LRRC3B: variants seen among roughly 807,000 people sequenced by gnomAD.
LRRC3B encodes leucine-rich repeat-containing protein 3B.
A neutral mutation model predicts 12.8 loss-of-function variants in LRRC3B; 2 were observed. That is an observed-to-expected ratio of 0.16 (90% CI 0.06 to 0.49). The LOEUF (loss-of-function observed/expected upper bound fraction) is 0.49, where lower values mean the gene tolerates loss of function less well. LRRC3B is among the 20% of genes least tolerant of loss of function. The probability of loss-of-function intolerance (pLI) is 0.96; values close to 1 mark genes in which losing one functional copy is unlikely to be tolerated. For synonymous variants in LRRC3B, 132 were observed against 122.0 expected, an observed-to-expected ratio of 1.08 and a Z score of -0.54; for missense variants, 189 against 319.4, an observed-to-expected ratio of 0.59 and a Z score of 3.11.
chr3:26,630,706 C>T (rs186362410), intron 1 of LRRC3B, among the ~76,000 whole-genome samples: 12 of 151,934 alleles, frequency 7.9e-5, no homozygotes, highest in South Asian at 4.1e-4. Flanking sequence ...AACAAAGTTG[C>T]GACTTTTTTT....
rs995793919 is a variant in LRRC3B at position 26,667,829 on chromosome 3, G to A, written c.-160-41684G>A. ...TCTTGTCAAAGAAGAGGATGAGCCC[G>A]GGCATTGGGAGGCAAATACCAACCC... On this transcript the variant is annotated intron_variant, in intron 1 of 1. Coordinates refer to ENST00000396641, the Ensembl canonical transcript of LRRC3B. Among the ~76,000 whole-genome samples, 7 of 152,130 alleles carry A rather than the reference G, an allele frequency of 4.6e-5. No individual in the cohort carries two copies. The South Asian group carries it at 6.2e-4, about 14-fold the overall frequency.
intron 1 of LRRC3B, among the ~76,000 whole-genome samples, chr3:26,677,852 G>A (rs1699892603): frequency 6.6e-6 from 1 of 152,066 alleles, no homozygotes; most frequent in African/African-American, 2.4e-5. Flanking sequence ...CCAGGCTGGA[G>A]TGCTGTGGTG....
At chr3:26,691,134 T>TATATATATATATAC (rs71295085) in intron 1 of LRRC3B, among the ~76,000 whole-genome samples, 1 of 143,372 alleles carries the variant, frequency 7.0e-6, no homozygotes, top group Non-Finnish European at 1.5e-5. Flanking sequence ...TATATATATA[T>TATATATATATATAC]GAGACAGGAT....
chr3:26,685,499 C>CTG, intron 1 of LRRC3B, among the ~76,000 whole-genome samples: 1 of 44,140 alleles, frequency 2.3e-5, no homozygotes, highest in Non-Finnish European at 4.3e-5. Flanking sequence ...CTCTCTCTCT[C>CTG]TCTCTCTCTC....
In LRRC3B at chr3:26,703,939, C is replaced by A. The variant is rs138580292; in HGVS notation, c.-160-5574C>A. On this transcript the variant is annotated intron_variant, in intron 1 of 1. Transcript: ENST00000396641. ...GCTAATCTTAGTCCTTTTGCATTAT[C>A]TTTTAAATATTTATTGTAAAATAAA... is the stretch of plus-strand genomic sequence containing the variant. Among the ~76,000 whole-genome samples the A allele has an allele frequency of 1.6e-3, 241 of 151,878 alleles. 1 individual carries two copies. The highest frequency in any genetic ancestry group is 5.4e-3 in the African/African-American group (225 of 41,414).
At chr3:26,663,216 T>A (rs1310238222) in intron 1 of LRRC3B, among the ~76,000 whole-genome samples, 1 of 152,196 alleles carries the variant, frequency 6.6e-6, no homozygotes, top group African/African-American at 2.4e-5. Flanking sequence ...AATATTTTTG[T>A]GCCAGAGTTA....
intron 1 of LRRC3B, among the ~76,000 whole-genome samples, chr3:26,645,095 G>C (rs1699115292): frequency 6.6e-6 from 1 of 152,136 alleles, no homozygotes. Flanking sequence ...TCAATCCAGA[G>C]TGTTTATTTG....
chr3:26,643,044 A>AT (rs200444067), intron 1 of LRRC3B, among the ~76,000 whole-genome samples: 8,288 of 151,140 alleles, frequency 0.055, 587 homozygotes, highest in East Asian at 0.16. Context: ...TACCAGGAGC[A>AT]TTCAAGTGTG....
intron 1 of LRRC3B, among the ~76,000 whole-genome samples, chr3:26,632,210 A>T (rs1289514887): frequency 6.6e-6 from 1 of 152,266 alleles, no homozygotes; most frequent in Non-Finnish European, 1.5e-5. Context: ...TGCGGGCAAG[A>T]TGTTGGAAGA....
In LRRC3B at chr3:26,686,104, G is replaced by A. The variant is rs542627911; in HGVS notation, c.-160-23409G>A. The stretch of plus-strand genomic sequence containing the variant: ...TTCCTTTCTTTTTTTTTTCGAGATG[G>A]AGTCTCACTCTGTCACCCAGGCGGG... On this transcript the variant is annotated intron_variant, in intron 1 of 1. Coordinates refer to ENST00000396641, the Ensembl canonical transcript of LRRC3B. Among the ~76,000 whole-genome samples the A allele has an allele frequency of 3.3e-5, 5 of 151,728 alleles. No homozygotes were observed. The South Asian group carries it at 1.0e-3, about 32-fold the overall frequency.
At chr3:26,632,314 A>T (rs1698773811) in intron 1 of LRRC3B, among the ~76,000 whole-genome samples, 1 of 152,164 alleles carries the variant, frequency 6.6e-6, no homozygotes, top group Non-Finnish European at 1.5e-5. Context: ...AAAACCTTTA[A>T]ATCACTCCTG....
intron 1 of LRRC3B, among the ~76,000 whole-genome samples, chr3:26,639,727 G>A (rs1016017052): frequency 3.9e-5 from 6 of 152,136 alleles, no homozygotes; most frequent in Non-Finnish European, 1.5e-5. Context: ...CACTGGAAAT[G>A]TTAGAGTCCT....
chr3:26,624,855 G>T (rs893236732), intron 1 of LRRC3B: 1 of 152,266 alleles, frequency 6.6e-6, no homozygotes, highest in African/African-American at 2.4e-5. Context: ...AATCTGGAGT[G>T]CAAGACCGTT....
chr3:26,668,507 G>A (rs1030844936), intron 1 of LRRC3B, among the ~76,000 whole-genome samples: 1 of 152,144 alleles, frequency 6.6e-6, no homozygotes, highest in Admixed American at 6.5e-5. Flanking sequence ...GGTTTCCATA[G>A]TTTTCTACAT....
chr3:26,699,636 C>T (rs1700404484), intron 1 of LRRC3B, among the ~76,000 whole-genome samples: 1 of 152,140 alleles, frequency 6.6e-6, no homozygotes, highest in Non-Finnish European at 1.5e-5. Flanking sequence ...CAACTGAATT[C>T]ACCATAAGTA....
At chr3:26,709,935 A>T (rs1363135172) in exon 2 of LRRC3B, 1 of 1,614,130 alleles carries the variant, frequency 6.2e-7, no homozygotes, top group Admixed American at 1.7e-5. Flanking sequence ...AAGGACCTCC[A>T]TCAACTGAGA....
intron 1 of LRRC3B, among the ~76,000 whole-genome samples, chr3:26,645,523 T>A (rs1431894543): frequency 1.3e-5 from 2 of 152,286 alleles, no homozygotes; most frequent in Non-Finnish European, 2.9e-5. Flanking sequence ...GAATGGCCTC[T>A]GCTATTATAT....
chr3:26,671,766 G>A (rs902433555), intron 1 of LRRC3B, among the ~76,000 whole-genome samples: 3 of 152,116 alleles, frequency 2.0e-5, no homozygotes, highest in East Asian at 1.9e-4. Flanking sequence ...GGCTTAGTAT[G>A]TGAAGCATAC....
intron 1 of LRRC3B, 143 bp from the exon 2 acceptor site, chr3:26,709,370 T>G (rs1700689704): frequency 2.7e-6 from 1 of 369,002 alleles, no homozygotes; most frequent in Non-Finnish European, 4.9e-6. Context: ...ATTTCGCAGA[T>G]AACTCCCAGT....
Sources: allele counts gnomAD v4.1 joint callset (sites outside exome capture counted in the v4.1 genomes callset), GRCh38; gene constraint gnomAD v4.1.1; transcripts MANE v1.5; gene names NCBI Gene and HGNC (gene_info 2026-07-23, HGNC 2026-07-21).